ROBO1: variants seen among roughly 807,000 people sequenced by gnomAD.
ROBO1 encodes roundabout homolog 1.
In ROBO1, 149 loss-of-function variants were observed where a neutral mutation model predicts 195.9. The ratio of observed to expected loss-of-function variants is 0.76; its 90% confidence interval spans 0.67 to 0.87. The LOEUF is 0.87. Among genes scored for constraint, ROBO1 ranks in the 40% least tolerant of loss-of-function variants. The pLI is 0.00. For synonymous variants in ROBO1, 816 were observed against 733.2 expected (o/e 1.11, Z -1.82); for missense variants, 1,933 against 2,068.3 (o/e 0.93, Z 1.27).
At chr3:78,933,829 G>A (rs1436894181) in intron 4 of ROBO1, among the ~76,000 whole-genome samples, 1 of 151,772 alleles carries the variant, frequency 6.6e-6, no homozygotes, top group Non-Finnish European at 1.5e-5. Context: ...AAAACTGAGT[G>A]GACTCAAGAT....
rs546483113 is a variant in ROBO1 at position 79,685,395 on chromosome 3, GT to G, written c.-51+82356del. 6.6e-3 allele frequency among the ~76,000 whole-genome samples: 999 copies of G among 152,232 alleles called. 5 individuals are homozygous for G. The highest frequency in any genetic ancestry group is 0.011 in the Non-Finnish European group (716 of 68,020). On this transcript the variant is annotated intron_variant, in intron 1 of 30. Coordinates refer to ENST00000464233, the MANE Select transcript of ROBO1 (RefSeq NM_002941.4). ...GTTCTGAGTTCAGGAATATGTGGAA[GT>G]TTTTTAAAGGCCTTTATGGACATCT... is the stretch of plus-strand genomic sequence containing the variant.
chr3:79,755,029 C>T (rs1215563385), intron 1 of ROBO1, among the ~76,000 whole-genome samples: 1 of 151,888 alleles, frequency 6.6e-6, no homozygotes, highest in Non-Finnish European at 1.5e-5. Flanking sequence ...TACAGGTATG[C>T]ACCACCATGC....
At chr3:79,425,491 C>A (rs1023890455) in intron 2 of ROBO1, among the ~76,000 whole-genome samples, 4 of 152,054 alleles carry the variant, frequency 2.6e-5, no homozygotes, top group African/African-American at 9.7e-5. Context: ...TCAATCACAA[C>A]AGTATAAGCC....
At chr3:78,804,299 C>T (rs963594146) in intron 4 of ROBO1, among the ~76,000 whole-genome samples, 1 of 152,010 alleles carries the variant, frequency 6.6e-6, no homozygotes, top group Non-Finnish European at 1.5e-5. Context: ...TTATGAAATG[C>T]TCTGATTTTT....
intron 3 of ROBO1, among the ~76,000 whole-genome samples, chr3:78,993,496 T>C (rs2108073413): frequency 6.6e-6 from 1 of 152,216 alleles, no homozygotes; most frequent in Middle Eastern, 3.4e-3. Context: ...GTAATACACT[T>C]ATATATGTAG....
intron 4 of ROBO1, among the ~76,000 whole-genome samples, chr3:78,780,205 T>C (rs963755749): frequency 1.3e-5 from 2 of 152,078 alleles, no homozygotes; most frequent in Non-Finnish European, 2.9e-5. Context: ...TGTATACCTG[T>C]ATAACAAAGC....
At chr3:79,664,129 G>C (rs184813369) in intron 1 of ROBO1, among the ~76,000 whole-genome samples, 2 of 151,912 alleles carry the variant, frequency 1.3e-5, no homozygotes, top group Admixed American at 1.3e-4. Context: ...GGTGCATCTT[G>C]TATCAAAATG....
At chr3:79,701,063 C>T (rs1272850149) in intron 1 of ROBO1, among the ~76,000 whole-genome samples, 1 of 151,786 alleles carries the variant, frequency 6.6e-6, no homozygotes, top group African/African-American at 2.4e-5. Context: ...TATCCCATCA[C>T]CATTTATCGA....
chr3:79,513,968 ACTT>A (rs1301649224), intron 2 of ROBO1, among the ~76,000 whole-genome samples: 2 of 152,194 alleles, frequency 1.3e-5, no homozygotes, highest in African/African-American at 2.4e-5. Flanking sequence ...ATCACTCAGA[ACTT>A]CTTCTGACTA....
chr3:79,244,128 G>C (rs1177980588), intron 2 of ROBO1, among the ~76,000 whole-genome samples: 1 of 151,658 alleles, frequency 6.6e-6, no homozygotes, highest in Non-Finnish European at 1.5e-5. Flanking sequence ...TTGAACCCAC[G>C]GTTGTCAGAT....
At chr3:79,612,108 C>T (rs1260381499) in intron 1 of ROBO1, among the ~76,000 whole-genome samples, 1 of 150,510 alleles carries the variant, frequency 6.6e-6, no homozygotes, top group Non-Finnish European at 1.5e-5. Flanking sequence ...ATACATGTGC[C>T]ATGCTGGTGC....
At chr3:79,291,691 T>A (rs2032260463) in intron 2 of ROBO1, among the ~76,000 whole-genome samples, 1 of 152,170 alleles carries the variant, frequency 6.6e-6, no homozygotes, top group South Asian at 2.1e-4. Flanking sequence ...AATAGATTAT[T>A]GTTATATAAA....
chr3:79,682,189 A>C (rs1217340066), intron 1 of ROBO1, among the ~76,000 whole-genome samples: 1 of 152,022 alleles, frequency 6.6e-6, no homozygotes, highest in African/African-American at 2.4e-5. Flanking sequence ...CATTTTCAGA[A>C]AGTTATTTCC....
At chr3:78,804,545 T>C (rs1055349278) in intron 4 of ROBO1, among the ~76,000 whole-genome samples, 2 of 152,082 alleles carry the variant, frequency 1.3e-5, no homozygotes, top group African/African-American at 4.8e-5. Context: ...GAGTCTTTTA[T>C]TAAACTCACT....
intron 2 of ROBO1, among the ~76,000 whole-genome samples, chr3:79,279,324 A>C (rs1408693664): frequency 2.0e-5 from 3 of 152,124 alleles, no homozygotes; most frequent in Admixed American, 6.5e-5. Flanking sequence ...AACAAAAGAC[A>C]AATGATTTGA....
At chr3:78,774,874 A>G (rs944772406) in intron 4 of ROBO1, among the ~76,000 whole-genome samples, 3 of 152,148 alleles carry the variant, frequency 2.0e-5, no homozygotes, top group Non-Finnish European at 4.4e-5. Context: ...CATATTCAGT[A>G]TTTTTCCTTT....
At chr3:79,129,480 A>C (rs1434273351) in intron 2 of ROBO1, among the ~76,000 whole-genome samples, 1 of 152,128 alleles carries the variant, frequency 6.6e-6, no homozygotes, top group African/African-American at 2.4e-5. Flanking sequence ...ATCTTAAAAC[A>C]GTCTTTCACA....
At chr3:79,215,976 T>G (rs1160322015) in intron 2 of ROBO1, among the ~76,000 whole-genome samples, 1 of 151,896 alleles carries the variant, frequency 6.6e-6, no homozygotes, top group Non-Finnish European at 1.5e-5. Context: ...AATCTATCAC[T>G]AGAAATTCAG....
chr3:79,639,936 T>A (rs554955442), intron 1 of ROBO1, among the ~76,000 whole-genome samples: 10 of 152,346 alleles, frequency 6.6e-5, no homozygotes, highest in Non-Finnish European at 8.8e-5. Context: ...AGTGAGCATC[T>A]GCATCAGTAG....
Sources: allele counts gnomAD v4.1 joint callset (sites outside exome capture counted in the v4.1 genomes callset), GRCh38; gene constraint gnomAD v4.1.1; transcripts MANE v1.5; gene names NCBI Gene and HGNC (gene_info 2026-07-23, HGNC 2026-07-21).